STAG1: variants seen among roughly 807,000 people sequenced by gnomAD.
STAG1 encodes the protein STAG1 cohesin complex component, also known as cohesin subunit SA-1.
A neutral mutation model predicts 170.9 loss-of-function variants in STAG1; 26 were observed. The ratio of observed to expected loss-of-function variants is 0.15; its 90% CI spans 0.11 to 0.21. STAG1 has a LOEUF of 0.21. Ranked by LOEUF, STAG1 falls within the 10% of genes least tolerant of loss-of-function variation. STAG1 has a pLI of 1.00. For synonymous variants in STAG1, 514 were observed against 497.7 expected (o/e 1.03, Z -0.44); for missense variants, 964 against 1,509.5 (o/e 0.64, Z 5.99).
At chr3:136,706,707 G>A (rs999614442) in intron 1 of STAG1, among the ~76,000 whole-genome samples, 1 of 152,144 alleles carries the variant, frequency 6.6e-6, no homozygotes, top group African/African-American at 2.4e-5. Context: ...AAAATGGAAA[G>A]TCCAATCCTC....
At chr3:136,341,076 T>C (rs1935949553) in intron 31 of STAG1, among the ~76,000 whole-genome samples, 1 of 152,102 alleles carries the variant, frequency 6.6e-6, no homozygotes, top group African/African-American at 2.4e-5. Flanking sequence ...GCCCGGCTAA[T>C]TTTTTGTATT....
At chr3:136,448,025 C>T (rs2088834032) in intron 14 of STAG1, among the ~76,000 whole-genome samples, 1 of 152,116 alleles carries the variant, frequency 6.6e-6, no homozygotes, top group African/African-American at 2.4e-5. Context: ...ATCTAAAATA[C>T]AAGGTATTTT....
rs1335867049 is a variant in STAG1 at position 136,463,774 on chromosome 3, C to T, written c.1313+1107G>A. On this transcript the variant is annotated intron_variant, in intron 13 of 33. Transcript: ENST00000383202. ...GTGTGTGTGTGTGTGTGTGTATACA[C>T]ACACACACACACACACATATACATA... Among the ~76,000 whole-genome samples the T allele has an allele frequency of 2.1e-3, 215 of 100,606 alleles. 1 individual carries two copies. Among genetic ancestry groups the T allele is most frequent in the African/African-American group, 3.9e-3 (101 of 25,584 alleles). The allele number at this position is 100,606 out of a possible 152,430, so 66.0% of individuals were successfully genotyped here.
intron 23 of STAG1, among the ~76,000 whole-genome samples, chr3:136,375,017 A>C (rs1239787666): frequency 2.0e-5 from 3 of 152,224 alleles, no homozygotes; most frequent in African/African-American, 7.2e-5. Context: ...TATACAGTAC[A>C]GGATCATAGC....
chr3:136,556,593 G>GT (rs1936629619), intron 5 of STAG1, among the ~76,000 whole-genome samples: 2 of 151,022 alleles, frequency 1.3e-5, no homozygotes, highest in East Asian at 2.0e-4. Context: ...TTGTTTGTTT[G>GT]TTTTTTTGAG....
intron 22 of STAG1, among the ~76,000 whole-genome samples, chr3:136,397,173 G>C (rs747380455): frequency 2.0e-5 from 3 of 152,094 alleles, no homozygotes; most frequent in Non-Finnish European, 4.4e-5. Flanking sequence ...TTTATCAAAT[G>C]TTTACTTCTT....
At chr3:136,542,943 A>G (rs1461593872) in intron 5 of STAG1, among the ~76,000 whole-genome samples, 1 of 152,156 alleles carries the variant, frequency 6.6e-6, no homozygotes, top group Non-Finnish European at 1.5e-5. Context: ...ACTGGCTACT[A>G]TGATTAACCA....
intron 5 of STAG1, among the ~76,000 whole-genome samples, chr3:136,558,732 CAT>C (rs776841779): frequency 6.6e-6 from 1 of 152,178 alleles, no homozygotes; most frequent in Non-Finnish European, 1.5e-5. Flanking sequence ...AGAAAAGTTG[CAT>C]ATCTTATAAC....
intron 1 of STAG1, among the ~76,000 whole-genome samples, chr3:136,707,815 G>A (rs1267537639): frequency 3.9e-5 from 6 of 152,200 alleles, no homozygotes; most frequent in Non-Finnish European, 7.3e-5. Flanking sequence ...ACTCACTACA[G>A]TGAGAACAGC....
chr3:136,559,490 G>A (rs1936754816), intron 5 of STAG1, among the ~76,000 whole-genome samples: 1 of 152,124 alleles, frequency 6.6e-6, no homozygotes, highest in Non-Finnish European at 1.5e-5. Flanking sequence ...AGTCAGAGTA[G>A]GCCATGCCCT....
chr3:136,660,330 TTAC>T (rs1941537687), intron 1 of STAG1, among the ~76,000 whole-genome samples: 1 of 152,184 alleles, frequency 6.6e-6, no homozygotes, highest in South Asian at 2.1e-4. Flanking sequence ...ATCAAAGCTG[TTAC>T]TTTTAACGTA....
intron 1 of STAG1, among the ~76,000 whole-genome samples, chr3:136,710,135 T>TG (rs1943342728): frequency 6.6e-6 from 1 of 152,290 alleles, no homozygotes; most frequent in South Asian, 2.1e-4. Flanking sequence ...ACAGCATTTT[T>TG]GGGGGGCTAC....
chr3:136,689,062 T>C (rs552631767), intron 1 of STAG1, among the ~76,000 whole-genome samples: 1 of 152,366 alleles, frequency 6.6e-6, no homozygotes, highest in East Asian at 1.9e-4. Context: ...AGATTCTTTA[T>C]GGTGTTCTTT....
At chr3:136,569,380 A>G (rs1217893667) in intron 4 of STAG1, among the ~76,000 whole-genome samples, 3 of 151,762 alleles carry the variant, frequency 2.0e-5, no homozygotes, top group Non-Finnish European at 4.4e-5. Flanking sequence ...CAGATCTCAA[A>G]AACGTATCTG....
intron 5 of STAG1, among the ~76,000 whole-genome samples, chr3:136,549,507 G>C (rs1325831007): frequency 1.3e-5 from 2 of 152,006 alleles, no homozygotes; most frequent in Admixed American, 6.6e-5. Context: ...CACCATGTTG[G>C]CCAGGCTGGT....
chr3:136,734,446 A>G (rs543202295), intron 1 of STAG1, among the ~76,000 whole-genome samples: 49 of 152,330 alleles, frequency 3.2e-4, no homozygotes, highest in Admixed American at 9.8e-4. Context: ...AAATCTTGCC[A>G]AAGAGCCAAA....
intron 1 of STAG1, among the ~76,000 whole-genome samples, chr3:136,673,045 G>A (rs2107877661): frequency 6.6e-6 from 1 of 152,172 alleles, no homozygotes; most frequent in Middle Eastern, 3.4e-3. Flanking sequence ...TAAGAGATGG[G>A]GCATCTCAAT....
At chr3:136,736,368 T>G (rs1314950845) in intron 1 of STAG1, 1 of 735,592 alleles carries the variant, frequency 1.4e-6, no homozygotes, top group South Asian at 1.6e-5. Flanking sequence ...TAAATTGTAT[T>G]GAAAAAATGG....
intron 1 of STAG1, among the ~76,000 whole-genome samples, chr3:136,679,783 T>A (rs1942272522): frequency 6.7e-6 from 1 of 150,030 alleles, no homozygotes; most frequent in Non-Finnish European, 1.5e-5. Context: ...ACGCCTGTAA[T>A]TCCAGCTACT....
Sources: gnomAD v4.1 joint callset for allele counts (sites outside exome capture counted in the v4.1 genomes callset) on GRCh38, gnomAD v4.1.1 for gene constraint, MANE v1.5 for transcripts, NCBI Gene and HGNC (gene_info 2026-07-23, HGNC 2026-07-21) for gene names.